Variants in CNTNAP5 observed in about 807,000 individuals in gnomAD.
CNTNAP5 encodes the protein contactin-associated protein-like 5.
CNTNAP5 carries 72 observed loss-of-function variants against 150.2 expected under a neutral mutation model. The ratio of observed to expected loss-of-function variants is 0.48; its 90% CI spans 0.40 to 0.58. The LOEUF (loss-of-function observed/expected upper bound fraction) is 0.58. CNTNAP5 is among the 20% of genes least tolerant of loss of function. The pLI is 0.00. For missense variants in CNTNAP5, 1,636 were observed against 1,626.2 expected, an observed-to-expected ratio of 1.01 and a Z score of -0.10; for synonymous variants, 672 against 619.8, an observed-to-expected ratio of 1.08 and a Z score of -1.25.
At chr2:124,798,756 C>T (rs1681901835) in intron 19 of CNTNAP5, among the ~76,000 whole-genome samples, 1 of 152,042 alleles carries the variant, frequency 6.6e-6, no homozygotes, top group Admixed American at 6.5e-5. Context: ...TTGTCCAGGT[C>T]TTAGAGAGAA....
chr2:124,506,399 T>C (rs1240860831), intron 8 of CNTNAP5, among the ~76,000 whole-genome samples: 1 of 152,246 alleles, frequency 6.6e-6, no homozygotes, highest in Middle Eastern at 3.4e-3. Context: ...GGGAAGGGTG[T>C]GTGACTGAAG....
At chr2:124,909,826 CATATATATATATATATATAT>C (rs368913883) in intron 22 of CNTNAP5, among the ~76,000 whole-genome samples, 2 of 74,612 alleles carry the variant, frequency 2.7e-5, no homozygotes, top group African/African-American at 1.1e-4. Context: ...CAATTGGTGA[CATATATATATATATATATAT>C]ATATATATAT....
At chr2:124,529,934 T>C (rs1053069973) in intron 10 of CNTNAP5, among the ~76,000 whole-genome samples, 2 of 152,152 alleles carry the variant, frequency 1.3e-5, no homozygotes, top group African/African-American at 4.8e-5. Context: ...CAGCTTTTGT[T>C]TTTTGCTGGC....
intron 12 of CNTNAP5, among the ~76,000 whole-genome samples, chr2:124,611,099 A>G (rs1016974322): frequency 2.6e-5 from 4 of 152,170 alleles, no homozygotes; most frequent in African/African-American, 9.7e-5. Flanking sequence ...GCAGGAACGT[A>G]GGGGCCTCTT....
chr2:124,256,112 A>G (rs1409667928), intron 3 of CNTNAP5, among the ~76,000 whole-genome samples: 3 of 152,184 alleles, frequency 2.0e-5, no homozygotes, highest in African/African-American at 4.8e-5. Flanking sequence ...GCGTTTGCTC[A>G]GGAAAATATG....
intron 10 of CNTNAP5, among the ~76,000 whole-genome samples, chr2:124,539,544 G>A (rs1695327357): frequency 1.3e-5 from 2 of 152,188 alleles, no homozygotes. Flanking sequence ...CAATGAATAT[G>A]TCACTTCTTT....
chr2:124,913,710 T>C (rs1678703558), intron 23 of CNTNAP5, among the ~76,000 whole-genome samples: 1 of 152,012 alleles, frequency 6.6e-6, no homozygotes, highest in African/African-American at 2.4e-5. Context: ...AAATACTTAG[T>C]TGTGAGGTGA....
chr2:124,455,525 G>A lies in CNTNAP5; in HGVS notation c.918+8588G>A, dbSNP rs556281241. Among the ~76,000 whole-genome samples the A allele has an allele frequency of 9.9e-5, 15 of 151,968 alleles. No homozygotes were observed. In the South Asian group the frequency reaches 2.9e-3, roughly 29 times the overall value. Reference sequence around the variant, plus strand: ...CACTAATCCACAAGATAGAGAAAGAGACATGATAGAGAAAGAGAGAACCCT... The same window carrying A: ...CACTAATCCACAAGATAGAGAAAGAAACATGATAGAGAAAGAGAGAACCCT... On this transcript the variant is annotated intron_variant, in intron 6 of 23. Coordinates refer to ENST00000682447, the MANE Select transcript of CNTNAP5 (RefSeq NM_001367498.1).
intron 11 of CNTNAP5, among the ~76,000 whole-genome samples, chr2:124,590,766 T>C (rs1573480045): frequency 6.6e-6 from 1 of 152,188 alleles, no homozygotes; most frequent in South Asian, 2.1e-4. Context: ...CTTAAAAATA[T>C]GTACTCAGCT....
intron 3 of CNTNAP5, among the ~76,000 whole-genome samples, chr2:124,365,098 A>G (rs1363525636): frequency 2.6e-5 from 4 of 152,148 alleles, no homozygotes; most frequent in Admixed American, 2.0e-4. Flanking sequence ...AAAAGGAGGG[A>G]TGAGGCATTT....
intron 10 of CNTNAP5, among the ~76,000 whole-genome samples, chr2:124,551,726 A>G (rs1400188570): frequency 1.3e-5 from 2 of 152,238 alleles, no homozygotes; most frequent in Non-Finnish European, 2.9e-5. Context: ...ATTCATGTAT[A>G]GAGAATCATT....
intron 11 of CNTNAP5, among the ~76,000 whole-genome samples, chr2:124,605,275 G>T (rs1219494424): frequency 6.6e-6 from 1 of 152,124 alleles, no homozygotes; most frequent in African/African-American, 2.4e-5. Context: ...AGTCAAATTT[G>T]GAGTTTTATG....
At chr2:124,457,900 A>C (rs1693158104) in intron 6 of CNTNAP5, among the ~76,000 whole-genome samples, 1 of 152,150 alleles carries the variant, frequency 6.6e-6, no homozygotes. Flanking sequence ...CATAATCAAA[A>C]AATCAAAAAA....
intron 6 of CNTNAP5, among the ~76,000 whole-genome samples, chr2:124,451,244 A>C (rs1692974681): frequency 6.6e-6 from 1 of 151,180 alleles, no homozygotes. Context: ...TAGTCAAAAA[A>C]ACAAACAAAA....
intron 1 of CNTNAP5, among the ~76,000 whole-genome samples, chr2:124,057,610 A>G (rs577492908): frequency 5.3e-4 from 80 of 151,764 alleles, no homozygotes; most frequent in African/African-American, 1.6e-3. Context: ...TTCTTAATTC[A>G]TAGATATATT....
intron 1 of CNTNAP5, among the ~76,000 whole-genome samples, chr2:124,039,409 G>A (rs140556212): frequency 1.3e-5 from 2 of 152,268 alleles, no homozygotes; most frequent in East Asian, 1.9e-4. Context: ...GGGATAATAC[G>A]GGGCAAACCC....
intron 1 of CNTNAP5, among the ~76,000 whole-genome samples, chr2:124,193,595 T>C (rs1685508571): frequency 6.6e-6 from 1 of 152,186 alleles, no homozygotes; most frequent in Admixed American, 6.5e-5. Flanking sequence ...GCATTCCTGA[T>C]TGTGAAAAGC....
chr2:124,165,961 C>T (rs2104656029), intron 1 of CNTNAP5, among the ~76,000 whole-genome samples: 1 of 152,262 alleles, frequency 6.6e-6, no homozygotes, highest in Non-Finnish European at 1.5e-5. Context: ...GCTTTCACAC[C>T]CAGCCCGCTC....
intron 6 of CNTNAP5, among the ~76,000 whole-genome samples, chr2:124,456,444 C>A (rs942378356): frequency 6.6e-6 from 1 of 152,090 alleles, no homozygotes; most frequent in Non-Finnish European, 1.5e-5. Flanking sequence ...GAAACACGTC[C>A]CATGCTCATG....
Sources: gnomAD v4.1 joint callset for allele counts (sites outside exome capture counted in the v4.1 genomes callset) on GRCh38, gnomAD v4.1.1 for gene constraint, MANE v1.5 for transcripts, NCBI Gene and HGNC (gene_info 2026-07-23, HGNC 2026-07-21) for gene names.